The following ACTR3C variants were observed in gnomAD, a reference collection of about 807,000 sequenced individuals.
ACTR3C encodes the protein actin related protein 3C, also known as actin-related protein 3C.
Under a neutral mutation model 26.3 loss-of-function variants are expected in ACTR3C, and 18 were observed. The ratio of observed to expected loss-of-function variants is 0.68; its 90% CI spans 0.47 to 1.01. The LOEUF is 1.01. ACTR3C is among the 50% of genes least tolerant of loss of function. The probability of loss-of-function intolerance (pLI) is 0.00; values close to 1 mark genes in which losing one functional copy is unlikely to be tolerated. For synonymous variants in ACTR3C, 55 were observed against 94.5 expected, an observed-to-expected ratio of 0.58 and a Z score of 2.42; for missense variants, 184 against 250.7, an observed-to-expected ratio of 0.73 and a Z score of 1.80.
the ACTR3C span, among the ~76,000 whole-genome samples, chr7:149,973,575 TG>T: frequency 6.6e-6 from 1 of 152,102 alleles, no homozygotes; most frequent in Non-Finnish European, 1.5e-5. Flanking sequence ...TTCCGGATCT[TG>T]GGAGGACAGA....
At chr7:150,275,133 T>C (rs1009085178) in intron 6 of ACTR3C, among the ~76,000 whole-genome samples, 2 of 152,232 alleles carry the variant, frequency 1.3e-5, no homozygotes, top group Non-Finnish European at 2.9e-5. Flanking sequence ...TATGCCAGAT[T>C]ATGCCAGAAA....
the ACTR3C span, among the ~76,000 whole-genome samples, chr7:149,927,596 C>T: frequency 1.3e-5 from 2 of 151,692 alleles, no homozygotes; most frequent in East Asian, 1.9e-4. Flanking sequence ...GGCATAGTGG[C>T]GCATGCCTGT....
chr7:150,036,180 T>G, the ACTR3C span, among the ~76,000 whole-genome samples: 30 of 140,796 alleles, frequency 2.1e-4, 4 homozygotes, highest in Non-Finnish European at 4.4e-4. Flanking sequence ...GCGATGGGAG[T>G]CCCAAGAGCC....
At chr7:150,140,377 AG>A in the ACTR3C span, among the ~76,000 whole-genome samples, 1 of 152,178 alleles carries the variant, frequency 6.6e-6, no homozygotes, top group Non-Finnish European at 1.5e-5. Context: ...TGCGTACACA[AG>A]GAAGTCAACT....
intron 6 of ACTR3C, among the ~76,000 whole-genome samples, chr7:150,284,407 G>A (rs529209890): frequency 1.7e-4 from 26 of 152,204 alleles, no homozygotes; most frequent in African/African-American, 4.6e-4. Context: ...TTCGCTGGGC[G>A]TGGCGGCGTG....
the ACTR3C span, among the ~76,000 whole-genome samples, chr7:150,126,267 AC>A: frequency 6.6e-6 from 1 of 152,144 alleles, no homozygotes; most frequent in Non-Finnish European, 1.5e-5. Flanking sequence ...TTTGTATTTG[AC>A]TTTTTCTGTT....
the ACTR3C span, among the ~76,000 whole-genome samples, chr7:150,067,300 G>A: frequency 1.3e-5 from 2 of 152,194 alleles, no homozygotes; most frequent in East Asian, 1.9e-4. Context: ...GCCTCAGAAC[G>A]CAAGTGTCTT....
At chr7:150,158,825 T>TGCACACACAG in the ACTR3C span, among the ~76,000 whole-genome samples, 1 of 146,800 alleles carries the variant, frequency 6.8e-6, no homozygotes, top group Admixed American at 6.7e-5. Context: ...GGCACACACA[T>TGCACACACAG]GCACACACAG....
the ACTR3C span, among the ~76,000 whole-genome samples, chr7:150,220,136 G>C: frequency 2.0e-5 from 3 of 147,878 alleles, no homozygotes; most frequent in Non-Finnish European, 4.4e-5. Context: ...ACCAGCGGCT[G>C]CTCACACTCC....
the ACTR3C span, among the ~76,000 whole-genome samples, chr7:149,993,810 T>G: frequency 1.3e-5 from 2 of 152,226 alleles, no homozygotes; most frequent in African/African-American, 2.4e-5. Flanking sequence ...GGGGCTGGCC[T>G]CTGTGATTCA....
the ACTR3C span, among the ~76,000 whole-genome samples, chr7:150,152,795 T>C: frequency 6.6e-6 from 1 of 152,274 alleles, no homozygotes; most frequent in Non-Finnish European, 1.5e-5. Flanking sequence ...GGTAAGCTAT[T>C]GATTATTGCC....
chr7:149,896,828 G>C, the ACTR3C span, among the ~76,000 whole-genome samples: 2 of 151,954 alleles, frequency 1.3e-5, no homozygotes, highest in Non-Finnish European at 2.9e-5. Flanking sequence ...AGGAGGTCGA[G>C]GCGGGTAGAT....
At position 150,295,315 on chromosome 7, in the gene ACTR3C, T is replaced by C. The variant is rs768173254; in HGVS notation, c.-19A>G. The C allele has an allele frequency of 5.0e-6, 8 of 1,613,922 alleles. No homozygotes were observed. The African/African-American group carries it at 1.1e-4, about 22-fold the overall frequency. ...CGAACATAATTTCTGCAAGATACTC[T>C]CTGTTTTCTGGTGTATTGAGTGGAG... is the stretch of plus-strand genomic sequence containing the variant. On this transcript the variant is annotated 5_prime_UTR_variant, in exon 2 of 8. Transcript: ENST00000683684.
chr7:149,885,128 C>G, the ACTR3C span, among the ~76,000 whole-genome samples: 3 of 152,154 alleles, frequency 2.0e-5, no homozygotes, highest in Non-Finnish European at 1.5e-5. Context: ...CTGCTCCTGG[C>G]CATGACAACT....
In ACTR3C at chr7:150,270,672, C is replaced by T. The variant is rs533000907; in HGVS notation, c.564+14081G>A. Among the ~76,000 whole-genome samples the T allele has an allele frequency of 3.2e-4, 49 of 152,278 alleles. No homozygotes were observed. In the East Asian group the frequency reaches 7.9e-3, roughly 25 times the overall value. ...CACTCTAACCACCAGTCCACACTGC[C>T]TCCCTTCCTGTGACACAGAATTCGG... On this transcript the variant is annotated intron_variant, in intron 6 of 7. Coordinates refer to ENST00000683684, the MANE Select transcript of ACTR3C (RefSeq NM_001164458.2).
chr7:149,913,124 G>A, the ACTR3C span, among the ~76,000 whole-genome samples: 1 of 152,148 alleles, frequency 6.6e-6, no homozygotes, highest in Non-Finnish European at 1.5e-5. Flanking sequence ...CTCAGTAGAT[G>A]TCATCTAAAA....
the ACTR3C span, among the ~76,000 whole-genome samples, chr7:150,037,428 G>GATGGCTCTC: frequency 2.2e-5 from 1 of 45,166 alleles, no homozygotes; most frequent in African/African-American, 6.9e-5. Context: ...GGAACTAGGG[G>GATGGCTCTC]ATGGCTCTCA....
At chr7:150,314,365 A>G (rs1216041905) in intron 1 of ACTR3C, among the ~76,000 whole-genome samples, 1 of 152,196 alleles carries the variant, frequency 6.6e-6, no homozygotes, top group Non-Finnish European at 1.5e-5. Flanking sequence ...ATTAATAGGT[A>G]GAGTTAGGTC....
chr7:150,110,460 AGAGGGTGGG>A, the ACTR3C span, among the ~76,000 whole-genome samples: 15 of 113,756 alleles, frequency 1.3e-4, no homozygotes, highest in African/African-American at 5.1e-4. Flanking sequence ...TGGGGCTGGA[AGAGGGTGGG>A]GCTTACTAAG....
Sources: gnomAD v4.1 joint callset for allele counts (sites outside exome capture counted in the v4.1 genomes callset) on GRCh38, gnomAD v4.1.1 for gene constraint, MANE v1.5 for transcripts, NCBI Gene and HGNC (gene_info 2026-07-23, HGNC 2026-07-21) for gene names.